PLEKHA7: variants seen among roughly 807,000 people sequenced by gnomAD.
The protein encoded by PLEKHA7 is pleckstrin homology domain containing A7, also known as pleckstrin homology domain-containing family A member 7.
A neutral mutation model predicts 170.0 loss-of-function variants in PLEKHA7; 104 were observed. The ratio of observed to expected loss-of-function variants is 0.61; its 90% confidence interval spans 0.52 to 0.72. The LOEUF (loss-of-function observed/expected upper bound fraction) is 0.72. Ranked by LOEUF, PLEKHA7 falls within the 30% of genes least tolerant of loss-of-function variation. The probability of loss-of-function intolerance (pLI) is 0.00; values close to 1 mark genes in which losing one functional copy is unlikely to be tolerated. For missense variants in PLEKHA7, 1,615 were observed against 1,671.7 expected, an observed-to-expected ratio of 0.97 and a Z score of 0.59; for synonymous variants, 648 against 660.8, an observed-to-expected ratio of 0.98 and a Z score of 0.30.
At chr11:16,939,013 T>A (rs1860500867) in intron 3 of PLEKHA7, among the ~76,000 whole-genome samples, 1 of 152,188 alleles carries the variant, frequency 6.6e-6, no homozygotes, top group Admixed American at 6.5e-5. Context: ...GATTCAAAGA[T>A]CTCCTAGAGG....
At position 16,826,294 on chromosome 11, in the gene PLEKHA7, C is replaced by T. The variant is rs199598169; in HGVS notation, c.1169G>A (p.Arg390Gln). 168 of 1,614,244 alleles carry T rather than the reference C, an allele frequency of 1.0e-4. No individual in the cohort carries two copies. Among genetic ancestry groups the T allele is most frequent in the Non-Finnish European group, 1.3e-4 (156 of 1,180,030 alleles). Residue 390 changes from arginine to glutamine, a missense_variant, in exon 10 of 27, where the codon CGG becomes CAG. Transcript: ENST00000531066. ...AGGCAGCATTCCATTCTTCTCTGCCCGTTGGGGCTGTGCCTGCTGGCCTCT... is the reference window on the plus strand; with the variant it reads ...AGGCAGCATTCCATTCTTCTCTGCCTGTTGGGGCTGTGCCTGCTGGCCTCT... ...GPRGQQAQPQ[R>Q]AEKNGMLPAS...
chr11:16,914,708 G>C (rs928073174), intron 3 of PLEKHA7, among the ~76,000 whole-genome samples: 4 of 152,204 alleles, frequency 2.6e-5, no homozygotes, highest in Non-Finnish European at 4.4e-5. Flanking sequence ...ATTTATCAAT[G>C]TCCACTGCAT....
At chr11:16,799,549 T>C (rs1299242026) in intron 17 of PLEKHA7, among the ~76,000 whole-genome samples, 4 of 152,054 alleles carry the variant, frequency 2.6e-5, no homozygotes, top group African/African-American at 9.7e-5. Flanking sequence ...CTTAAAAAAA[T>C]TACTGCTAAA....
chr11:16,974,626 G>GTTTTTTTT, intron 3 of PLEKHA7: 1 of 149,666 alleles, frequency 6.7e-6, no homozygotes, highest in Non-Finnish European at 9.8e-6. Flanking sequence ...GATTTCACAG[G>GTTTTTTTT]TTTTTTTTTT....
At chr11:16,971,180 G>A (rs1862689986) in intron 3 of PLEKHA7, among the ~76,000 whole-genome samples, 1 of 152,146 alleles carries the variant, frequency 6.6e-6, no homozygotes. Context: ...AATTCTGCAT[G>A]ACCTTTACAC....
intron 3 of PLEKHA7, among the ~76,000 whole-genome samples, chr11:16,969,832 A>G (rs896469582): frequency 6.6e-6 from 1 of 152,242 alleles, no homozygotes; most frequent in Non-Finnish European, 1.5e-5. Context: ...GTTCCCAGAT[A>G]CTGGTGCCAA....
chr11:16,932,564 C>A (rs749738576), intron 3 of PLEKHA7, among the ~76,000 whole-genome samples: 13 of 152,310 alleles, frequency 8.5e-5, no homozygotes, highest in Non-Finnish European at 1.5e-4. Flanking sequence ...GGATTACAGG[C>A]ATGAGCTGCC....
intron 3 of PLEKHA7, among the ~76,000 whole-genome samples, chr11:16,957,697 C>CTTTTTTTTTTCTTTTTTT (rs58942054): frequency 2.3e-5 from 2 of 87,296 alleles, no homozygotes; most frequent in African/African-American, 1.0e-4. Flanking sequence ...TAATTTTTTT[C>CTTTTTTTTTTCTTTTTTT]TTTTTTTTTT....
In PLEKHA7 at chr11:16,817,252, T is replaced by G. The variant is rs1313085338; in HGVS notation, c.1414A>C (p.Thr472Pro). The change falls in exon 11 of 27, where the codon ACT becomes CCT. Residue 472 changes from threonine (T) to proline (P), a missense_variant. By Grantham distance (38) the Thr-to-Pro change is conservative. Coordinates refer to ENST00000531066, the MANE Select transcript of PLEKHA7 (RefSeq NM_001329630.2). This position sits in a 1 kb window ranked among gnomAD's most constrained non-coding sequence, Gnocchi z 4.4. ...GGGTGTCGGGTGCTCTTGGGAAGAG[T>G]CTGGTAGTTTTCTGGGAAGGACAGG... is the stretch of plus-strand genomic sequence containing the variant. ...QSLSFPENYQ[T>P]LPKSTRHPSG... 1 of 1,613,058 alleles carries G rather than the reference T, an allele frequency of 6.2e-7. No individual in the cohort carries two copies. Among genetic ancestry groups the G allele is most frequent in the Non-Finnish European group, 8.5e-7 (1 of 1,179,842 alleles).
chr11:16,960,406 T>A (rs1861981591), intron 3 of PLEKHA7, among the ~76,000 whole-genome samples: 1 of 152,182 alleles, frequency 6.6e-6, no homozygotes, highest in Non-Finnish European at 1.5e-5. Flanking sequence ...TCCCTGTATT[T>A]ACTCAAACGT....
Position 16,826,389 on chromosome 11 carries a change from C to A in PLEKHA7, c.1074G>T (p.Arg358=). ...QRDPLEGKRD[R]SKARSPYSPA... is the part of the protein sequence containing the mutation. The stretch of plus-strand genomic sequence containing the variant: ...GCGAGTACGGAGACCTGGCCTTGCT[C>A]CGGTCCCGCTTGCCCTCCAGTGGGT... Residue 358 remains arginine, a synonymous_variant, in exon 10 of 27, where the codon CGG becomes CGT. Coordinates refer to ENST00000531066, the MANE Select transcript of PLEKHA7 (RefSeq NM_001329630.2). 2 of 1,614,250 alleles carry A rather than the reference C, an allele frequency of 1.2e-6. No individual in the cohort carries two copies. The highest frequency in any genetic ancestry group is 1.7e-6 in the Non-Finnish European group (2 of 1,180,048).
chr11:16,881,026 T>C (rs1342426547), intron 3 of PLEKHA7, among the ~76,000 whole-genome samples: 1 of 152,208 alleles, frequency 6.6e-6, no homozygotes, highest in Non-Finnish European at 1.5e-5. Context: ...CAACCTCACT[T>C]GCCAACAAAA....
chr11:16,841,234 G>A (rs994871593), intron 9 of PLEKHA7, among the ~76,000 whole-genome samples: 2 of 152,116 alleles, frequency 1.3e-5, no homozygotes, highest in Non-Finnish European at 2.9e-5. Context: ...TTAGTCTGTA[G>A]CAGATTTTCA....
At chr11:16,961,903 C>G (rs372020700) in intron 3 of PLEKHA7, among the ~76,000 whole-genome samples, 2 of 152,230 alleles carry the variant, frequency 1.3e-5, no homozygotes, top group East Asian at 3.8e-4. Context: ...TGTGAGATAA[C>G]ATGAGTAAAA....
chr11:16,836,183 G>A (rs1415410089), intron 9 of PLEKHA7, among the ~76,000 whole-genome samples: 1 of 152,198 alleles, frequency 6.6e-6, no homozygotes, highest in Non-Finnish European at 1.5e-5. Context: ...GCCCACTGCA[G>A]CTATCTTGCC....
intron 26 of PLEKHA7, among the ~76,000 whole-genome samples, chr11:16,782,328 G>C (rs1386646611): frequency 6.6e-6 from 1 of 152,194 alleles, no homozygotes; most frequent in Non-Finnish European, 1.5e-5. Flanking sequence ...GGGAAGGCAG[G>C]AGGGGCCCCC....
chr11:16,782,173 C>CACACACACA (rs60089285), intron 26 of PLEKHA7, among the ~76,000 whole-genome samples: 18 of 151,156 alleles, frequency 1.2e-4, no homozygotes, highest in Non-Finnish European at 2.4e-4. Flanking sequence ...ACACACACAC[C>CACACACACA]CACACACACA....
intron 9 of PLEKHA7, 125 bp from the exon 10 acceptor site, chr11:16,826,715 C>T (rs964189916): frequency 1.2e-6 from 1 of 836,632 alleles, no homozygotes; most frequent in South Asian, 1.7e-5. Context: ...GCCTTTCATG[C>T]TCATGTCCTC....
intron 13 of PLEKHA7, among the ~76,000 whole-genome samples, chr11:16,812,021 C>A (rs865898197): frequency 3.9e-5 from 6 of 152,218 alleles, no homozygotes. Flanking sequence ...CCAAACAGAT[C>A]TTTGTCTAGT....
Sources: gnomAD v4.1 joint callset for allele counts (sites outside exome capture counted in the v4.1 genomes callset) on GRCh38, gnomAD v4.1.1 for gene constraint, Gnocchi (gnomAD v3.1) non-coding constraint, MANE v1.5 for transcripts, NCBI Gene and HGNC (gene_info 2026-07-23, HGNC 2026-07-21) for gene names.